PRKN: variants seen among roughly 807,000 people sequenced by gnomAD.
The protein encoded by PRKN is E3 ubiquitin-protein ligase parkin.
In PRKN, 56 loss-of-function variants were observed where a neutral mutation model predicts 59.5. That is an observed-to-expected ratio of 0.94 (90% CI 0.76 to 1.18). The LOEUF is 1.18. Among genes scored for constraint, PRKN ranks in the 50% most tolerant of loss-of-function variants. The pLI, the probability that PRKN is intolerant of heterozygous loss-of-function variation, is 0.00. For missense variants in PRKN, 657 were observed against 596.4 expected, an observed-to-expected ratio of 1.10 and a Z score of -1.06; for synonymous variants, 250 against 222.1, an observed-to-expected ratio of 1.13 and a Z score of -1.12.
intron 1 of PRKN, among the ~76,000 whole-genome samples, chr6:162,477,983 G>C (rs1792108050): frequency 6.6e-6 from 1 of 152,134 alleles, no homozygotes; most frequent in African/African-American, 2.4e-5. Flanking sequence ...GAGTCCCAGA[G>C]TGCAGGGTCC....
chr6:162,674,190 A>G (rs563146731), intron 1 of PRKN, among the ~76,000 whole-genome samples: 3 of 152,340 alleles, frequency 2.0e-5, no homozygotes, highest in African/African-American at 7.2e-5. Flanking sequence ...TAGATTCAAT[A>G]TTTATTGAGA....
intron 5 of PRKN, among the ~76,000 whole-genome samples, chr6:162,035,353 T>C (rs979663424): frequency 1.3e-5 from 2 of 152,112 alleles, no homozygotes; most frequent in East Asian, 3.9e-4. Context: ...AACAAAAGAC[T>C]TAAAGGGGAC....
At chr6:161,877,714 C>T (rs1467890630) in intron 6 of PRKN, among the ~76,000 whole-genome samples, 4 of 151,922 alleles carry the variant, frequency 2.6e-5, no homozygotes, top group South Asian at 2.1e-4. Context: ...ATGATCTGCC[C>T]GCCTCAGCCT....
intron 9 of PRKN, among the ~76,000 whole-genome samples, chr6:161,472,422 C>T (rs1336560928): frequency 6.6e-6 from 1 of 152,080 alleles, no homozygotes. Flanking sequence ...AGGATAATAT[C>T]TTCAATAAAT....
intron 1 of PRKN, among the ~76,000 whole-genome samples, chr6:162,580,642 T>C (rs549042752): frequency 6.6e-6 from 1 of 151,922 alleles, no homozygotes; most frequent in Non-Finnish European, 1.5e-5. Flanking sequence ...ATGAAATTCA[T>C]CTGGATGTGA....
At chr6:162,545,091 C>T (rs553915597) in intron 1 of PRKN, among the ~76,000 whole-genome samples, 106 of 151,180 alleles carry the variant, frequency 7.0e-4, no homozygotes, top group African/African-American at 2.5e-3. Flanking sequence ...TGGAGACCAG[C>T]TTGGCCAACA....
chr6:161,868,385 C>G (rs1794210053), intron 6 of PRKN, among the ~76,000 whole-genome samples: 1 of 151,852 alleles, frequency 6.6e-6, no homozygotes, highest in African/African-American at 2.4e-5. Flanking sequence ...TCAAGACCAG[C>G]CTGGCTAACG....
chr6:161,784,121 C>T (rs1177973247), intron 7 of PRKN, among the ~76,000 whole-genome samples: 1 of 152,140 alleles, frequency 6.6e-6, no homozygotes, highest in East Asian at 1.9e-4. Context: ...GAGATAGGAA[C>T]TTTTACTTCA....
intron 1 of PRKN, among the ~76,000 whole-genome samples, chr6:162,543,693 A>T (rs1380037139): frequency 6.6e-6 from 1 of 152,122 alleles, no homozygotes; most frequent in Non-Finnish European, 1.5e-5. Flanking sequence ...TAAGACCATT[A>T]TTATACCTGT....
Position 161,835,870 on chromosome 6 carries a change from A to C in PRKN, c.735-49962T>G, listed in dbSNP as rs530138987. On this transcript the variant is annotated intron_variant, in intron 6 of 11. Transcript: ENST00000366898. ...TGGAAGTGTTCATTGCAGTTCACAT[A>C]AAGGGTGTGTGGCTCCAGCACATAT... 9.2e-5 allele frequency among the ~76,000 whole-genome samples: 14 copies of C among 152,330 alleles called. 1 individual carries two copies. In the South Asian group the frequency reaches 2.9e-3, roughly 32 times the overall value.
At position 162,367,324 on chromosome 6, in the gene PRKN, C is replaced by T. The variant is rs1302969363; in HGVS notation, c.171+75986G>A. ...ATTAATTACACAGTTTTGGGCAGTC[C>T]TTTAGAGCAGTGTGAGGACAGGCTA... On this transcript the variant is annotated intron_variant, in intron 2 of 11. Coordinates refer to ENST00000366898, the MANE Select transcript of PRKN (RefSeq NM_004562.3). Among the ~76,000 whole-genome samples the T allele has an allele frequency of 2.0e-5, 3 of 152,098 alleles. No individual in the cohort carries two copies. In the South Asian group the frequency reaches 6.2e-4, roughly 31 times the overall value.
At chr6:162,525,301 G>C (rs573645629) in intron 1 of PRKN, among the ~76,000 whole-genome samples, 1 of 152,216 alleles carries the variant, frequency 6.6e-6, no homozygotes, top group African/African-American at 2.4e-5. Context: ...ATCTCCAGCT[G>C]CTGTCCCCTG....
chr6:161,714,448 G>A (rs890710756), intron 7 of PRKN, among the ~76,000 whole-genome samples: 1 of 152,142 alleles, frequency 6.6e-6, no homozygotes, highest in African/African-American at 2.4e-5. Context: ...ACAGCAAGGA[G>A]GTGTCATCGT....
intron 5 of PRKN, among the ~76,000 whole-genome samples, chr6:162,007,363 T>C (rs552905423): frequency 1.1e-3 from 167 of 152,240 alleles, no homozygotes; most frequent in South Asian, 5.6e-3. Context: ...AATGCAAGTA[T>C]AATAGCAGAC....
intron 1 of PRKN, among the ~76,000 whole-genome samples, chr6:162,469,490 GTA>G (rs903254853): frequency 1.3e-4 from 16 of 127,262 alleles, no homozygotes; most frequent in South Asian, 1.2e-3. Context: ...AGAAACTGTG[GTA>G]TGTGTGTGTG....
chr6:161,709,447 T>G (rs11755155), intron 7 of PRKN, among the ~76,000 whole-genome samples: 70,095 of 152,042 alleles, frequency 0.46, 16,564 homozygotes, highest in Admixed American at 0.62. Context: ...TTTTCTCTCA[T>G]AACACATACT....
chr6:161,631,646 C>G (rs940095174), intron 7 of PRKN, among the ~76,000 whole-genome samples: 1 of 152,156 alleles, frequency 6.6e-6, no homozygotes. Context: ...AGTTTTCATT[C>G]AATGGGGAGA....
intron 1 of PRKN, among the ~76,000 whole-genome samples, chr6:162,591,650 T>C (rs1345997529): frequency 6.6e-6 from 1 of 151,880 alleles, no homozygotes; most frequent in East Asian, 1.9e-4. Context: ...ATACAATGGG[T>C]GGGAGGGGGT....
At chr6:162,331,625 C>T (rs1783578326) in intron 2 of PRKN, among the ~76,000 whole-genome samples, 2 of 152,152 alleles carry the variant, frequency 1.3e-5, no homozygotes, top group African/African-American at 2.4e-5. Context: ...TTAGATATCA[C>T]CCCATTTTTC....
Sources: gnomAD v4.1 joint callset for allele counts (sites outside exome capture counted in the v4.1 genomes callset) on GRCh38, gnomAD v4.1.1 for gene constraint, MANE v1.5 for transcripts, NCBI Gene and HGNC (gene_info 2026-07-23, HGNC 2026-07-21) for gene names.